Variants in ZNF559 observed in about 807,000 individuals in gnomAD.
The protein encoded by ZNF559 is zinc finger protein 559.
In ZNF559, 17 loss-of-function variants were observed where a neutral mutation model predicts 14.2. That is an observed-to-expected ratio of 1.20 (90% CI 0.82 to 1.80). The LOEUF (loss-of-function observed/expected upper bound fraction) is 1.80, where lower values mean the gene tolerates loss of function less well. ZNF559 is among the 40% of genes most tolerant of loss of function. ZNF559 has a pLI of 0.00. For synonymous variants in ZNF559, 244 were observed against 212.4 expected (o/e 1.15, Z -1.29); for missense variants, 740 against 629.7 (o/e 1.18, Z -1.88).
At chr19:9,324,574 A>T in intron 1 of ZNF559, 121 bp from the exon 2 acceptor site, 2 of 1,151,012 alleles carry the variant, frequency 1.7e-6, no homozygotes, top group East Asian at 2.6e-5. Flanking sequence ...TAGGAGGATT[A>T]CTTGAGGCCA....
rs1430518503 is a variant in ZNF559, at chr19:9,324,550, T to G, written c.-205-145T>G. On this transcript the variant is annotated intron_variant, in intron 1 of 6. Transcript: ENST00000603380. ...GCTCACGCCTGTCATTCCCAGCGCT[T>G]TGGGCGGATTGGGTAGGAGGATTAC... 3.4e-6 allele frequency: 4 copies of G among 1,190,470 alleles called. No homozygotes were observed. The African/African-American group carries it at 6.3e-5, about 19-fold the overall frequency. 73.7% of individuals were successfully genotyped at this position (1,190,470 alleles called of 1,614,324 possible). A position where few individuals can be genotyped will look rare whatever the true frequency, so the allele number is the denominator to read the frequency against.
At chr19:9,330,708 G>A (rs1446734893) in intron 2 of ZNF559, among the ~76,000 whole-genome samples, 1 of 151,936 alleles carries the variant, frequency 6.6e-6, no homozygotes, top group Non-Finnish European at 1.5e-5. Flanking sequence ...TTATTTTCCT[G>A]ACCTATAGTT....
Position 9,342,644 on chromosome 19 carries a change from G to C in ZNF559, c.1193G>C (p.Ser398Thr). The change falls in exon 7 of 7, where the codon AGT becomes ACT. Residue 398 changes from serine (S) to threonine (T), a missense_variant. By Grantham distance (58) the Ser-to-Thr change is moderately conservative. Transcript: ENST00000603380. Reference sequence around the variant, plus strand: ...TTTATTAATTCCTCTTCCTTTAAAAGTCACATGCAGACTCATCCTGGTGTA... The same window carrying C: ...TTTATTAATTCCTCTTCCTTTAAAACTCACATGCAGACTCATCCTGGTGTA... Reference protein sequence around the residue: ...KAFINSSSFKSHMQTHPGVKP... With the variant: ...KAFINSSSFKTHMQTHPGVKP... 1 of 1,614,050 alleles carries C rather than the reference G, an allele frequency of 6.2e-7. No homozygotes were observed. The highest frequency in any genetic ancestry group is 8.5e-7 in the Non-Finnish European group (1 of 1,180,020).
upstream of ZNF559, chr19:9,324,140 C>T: frequency 2.6e-6 from 4 of 1,535,484 alleles, no homozygotes; most frequent in Non-Finnish European, 3.5e-6. Context: ...CCTAGGTGGT[C>T]CTAGCCTTTG....
At position 9,342,969 on chromosome 19, in the gene ZNF559, A is replaced by G. The variant is rs767290312; in HGVS notation, c.1518A>G (p.Thr506=). The change falls in exon 7 of 7, where the codon ACA becomes ACG. Residue 506 remains threonine, a synonymous_variant. Transcript: ENST00000603380. Reference sequence around the variant, plus strand: ...GTGGGAAAGCCTTTACTCGGTCCACATATCTTATTCGACATCTAAGAAGTC... The same window carrying G: ...GTGGGAAAGCCTTTACTCGGTCCACGTATCTTATTCGACATCTAAGAAGTC... ...QECGKAFTRS[T]YLIRHLRSHS... 8 of 1,614,104 alleles carry G rather than the reference A, an allele frequency of 5.0e-6. No individual in the cohort carries two copies. The South Asian group carries it at 5.5e-5, about 11-fold the overall frequency.
At chr19:9,324,575 C>G in intron 1 of ZNF559, 120 bp from the exon 2 acceptor site, 1 of 1,164,708 alleles carries the variant, frequency 8.6e-7, no homozygotes, top group Non-Finnish European at 1.2e-6. Flanking sequence ...AGGAGGATTA[C>G]TTGAGGCCAG....
At chr19:9,324,642 T>C in intron 1 of ZNF559, 53 bp from the exon 2 acceptor site, 2 of 1,084,636 alleles carry the variant, frequency 1.8e-6, no homozygotes, top group Non-Finnish European at 2.5e-6. Context: ...CCATCTCTAA[T>C]GGAAAAAAAA....
At chr19:9,336,188 G>A (rs1184620952) in intron 2 of ZNF559, among the ~76,000 whole-genome samples, 1 of 152,138 alleles carries the variant, frequency 6.6e-6, no homozygotes, top group Non-Finnish European at 1.5e-5. Context: ...AACCAGTTCT[G>A]AGTCTGTAAA....
rs532417319 is a variant in ZNF559 at position 9,326,776 on chromosome 19, C to T, written c.-120+1996C>T. Among the ~76,000 whole-genome samples the T allele has an allele frequency of 4.6e-5, 7 of 152,244 alleles. No individual in the cohort carries two copies. In the East Asian group the frequency reaches 9.6e-4, roughly 21 times the overall value. ...TTTGTACTAAGTCTTTGGAATCCTG[C>T]ACGTATTTTACACTTACAGCTAATT... On this transcript the variant is annotated intron_variant, in intron 2 of 6. Transcript: ENST00000603380.
At chr19:9,324,116 C>T, upstream of ZNF559, 3 of 1,524,300 alleles carry the variant, frequency 2.0e-6, no homozygotes, top group Non-Finnish European at 2.6e-6. Flanking sequence ...GCCCGGGAAC[C>T]CGAGGCCCCG....
At chr19:9,339,393 TC>T in intron 5 of ZNF559, 74 bp downstream of exon 5, 1 of 1,495,248 alleles carries the variant, frequency 6.7e-7, no homozygotes, top group Non-Finnish European at 9.0e-7. Context: ...TGTTCTAGAC[TC>T]TGCTTGTTAA....
Position 9,343,218 on chromosome 19 carries a change from G to T in ZNF559, c.*150G>T. On this transcript the variant is annotated 3_prime_UTR_variant, in exon 7 of 7. Coordinates refer to ENST00000603380, the MANE Select transcript of ZNF559 (RefSeq NM_032497.3). The stretch of plus-strand genomic sequence containing the variant: ...TCAGATCTTAACAATTCCAATAGAA[G>T]AGAAGACATATGAATGTAAGGAATG... The T allele has an allele frequency of 6.9e-7, 1 of 1,459,282 alleles. No individual in the cohort carries two copies. The highest frequency in any genetic ancestry group is 9.0e-7 in the Non-Finnish European group (1 of 1,112,598). 90.4% of individuals were successfully genotyped at this position (1,459,282 alleles called of 1,614,324 possible).
At chr19:9,335,887 C>T (rs943611092) in intron 2 of ZNF559, among the ~76,000 whole-genome samples, 6 of 152,158 alleles carry the variant, frequency 3.9e-5, no homozygotes, top group South Asian at 2.1e-4. Context: ...TTCAGATAAA[C>T]GTAATAGTTA....
intron 6 of ZNF559, chr19:9,341,493 T>C (rs2067583283): frequency 4.1e-6 from 4 of 964,982 alleles, no homozygotes; most frequent in East Asian, 2.6e-5. Flanking sequence ...GTAAAGAATA[T>C]AACAGAACTT....
intron 2 of ZNF559, among the ~76,000 whole-genome samples, chr19:9,336,416 A>G (rs2067241223): frequency 6.6e-6 from 1 of 151,916 alleles, no homozygotes; most frequent in East Asian, 1.9e-4. Context: ...ACATAGGGAA[A>G]CCCTGTCTCT....
At position 9,341,090 on chromosome 19, in the gene ZNF559, A is replaced by T. The variant is rs1183205539; in HGVS notation, c.161-12A>T. 6.3e-7 allele frequency: 1 copy of T among 1,582,072 alleles called. No homozygotes were observed. The highest frequency in any genetic ancestry group is 8.5e-7 in the Non-Finnish European group (1 of 1,171,340). ...TCTCTAAGAACTTAAAATTTTTTTC[A>T]TCTTATTTCAGATTGGGAGAGTCAT... is the stretch of plus-strand genomic sequence containing the variant. On this transcript the variant is annotated splice_polypyrimidine_tract_variant and intron_variant, in intron 5 of 6. Transcript: ENST00000603380.
chr19:9,333,872 A>G (rs1364393659), intron 2 of ZNF559, among the ~76,000 whole-genome samples: 1 of 152,234 alleles, frequency 6.6e-6, no homozygotes, highest in Non-Finnish European at 1.5e-5. Context: ...AACTGACTGT[A>G]CTATGGATAA....
At chr19:9,340,321 A>G (rs1416923250) in intron 5 of ZNF559, among the ~76,000 whole-genome samples, 2 of 151,980 alleles carry the variant, frequency 1.3e-5, no homozygotes, top group Non-Finnish European at 2.9e-5. Context: ...TTTTGGGGAG[A>G]ATATCAAGGC....
In ZNF559 at chr19:9,341,108, A is replaced by G. The variant is rs138582827; in HGVS notation, c.167A>G (p.Glu56Gly). 38 of 1,598,730 alleles carry G rather than the reference A, an allele frequency of 2.4e-5. No homozygotes were observed. The highest frequency in any genetic ancestry group is 3.0e-5 in the Non-Finnish European group (35 of 1,176,344). The change falls in exon 6 of 7, where the codon GAG (glutamate) becomes GGG (glycine). Residue 56 changes from glutamate (E) to glycine (G), a missense_variant. Physicochemically the swap from Glu to Gly is moderately conservative, Grantham distance 98. Transcript: ENST00000603380. ...TTTTTTCATCTTATTTCAGATTGGG[A>G]GAGTCATATTAATACCAAATGGTCA... ...NYKNLVAVDW[E>G]SHINTKWSAP...
Sources: allele counts gnomAD v4.1 joint callset (sites outside exome capture counted in the v4.1 genomes callset), GRCh38; gene constraint gnomAD v4.1.1; transcripts MANE v1.5; gene names NCBI Gene and HGNC (gene_info 2026-07-23, HGNC 2026-07-21).